HACE1: variants seen among roughly 807,000 people sequenced by gnomAD.
The protein encoded by HACE1 is E3 ubiquitin-protein ligase HACE1.
Under a neutral mutation model 118.4 loss-of-function variants are expected in HACE1, and 73 were observed. That is an observed-to-expected ratio of 0.62 (90% CI 0.51 to 0.75). HACE1 has a LOEUF of 0.75. Ranked by LOEUF, HACE1 falls within the 30% of genes least tolerant of loss-of-function variation. The pLI, the probability that HACE1 is intolerant of heterozygous loss-of-function variation, is 0.00. For missense variants in HACE1, 749 were observed against 1,102.2 expected, an observed-to-expected ratio of 0.68 and a Z score of 4.54; for synonymous variants, 368 against 374.8, an observed-to-expected ratio of 0.98 and a Z score of 0.21.
At chr6:104,821,799 T>G (rs998433067) in intron 6 of HACE1, among the ~76,000 whole-genome samples, 1 of 152,204 alleles carries the variant, frequency 6.6e-6, no homozygotes, top group Non-Finnish European at 1.5e-5. Flanking sequence ...AGTATTTATT[T>G]AGTACTAACG....
At chr6:104,791,735 A>C in intron 10 of HACE1, 81 bp from the exon 11 acceptor site, 1 of 888,950 alleles carries the variant, frequency 1.1e-6, no homozygotes. Flanking sequence ...TTTTCATCCC[A>C]CTGACCATCT....
At chr6:104,773,598 T>C (rs1475138830) in intron 17 of HACE1, among the ~76,000 whole-genome samples, 1 of 152,168 alleles carries the variant, frequency 6.6e-6, no homozygotes, top group African/African-American at 2.4e-5. Context: ...TATAATATTC[T>C]GAGAATAATC....
intron 1 of HACE1, 114 bp downstream of exon 1, chr6:104,859,453 G>C (rs1185772157): frequency 2.5e-6 from 2 of 808,146 alleles, no homozygotes; most frequent in Non-Finnish European, 3.7e-6. Context: ...AGTAAAAGTG[G>C]GCGTTTTCTC....
intron 7 of HACE1, among the ~76,000 whole-genome samples, chr6:104,799,007 G>C (rs568759643): frequency 6.6e-6 from 1 of 152,156 alleles, no homozygotes; most frequent in African/African-American, 2.4e-5. Flanking sequence ...TCAATGAATT[G>C]TATTATAGGC....
intron 19 of HACE1, among the ~76,000 whole-genome samples, chr6:104,758,326 G>C (rs913114283): frequency 2.0e-5 from 3 of 152,156 alleles, no homozygotes; most frequent in African/African-American, 7.2e-5. Flanking sequence ...ACAAAGGGAA[G>C]CCCATCAGAC....
intron 3 of HACE1, among the ~76,000 whole-genome samples, chr6:104,850,315 AC>A (rs1407508514): frequency 6.6e-6 from 1 of 152,132 alleles, no homozygotes; most frequent in Non-Finnish European, 1.5e-5. Flanking sequence ...AACATTCTCT[AC>A]TTTCAAGATG....
In HACE1 at chr6:104,859,749, G is replaced by T; in HGVS notation, c.-107C>A. On this transcript the variant is annotated 5_prime_UTR_variant, in exon 1 of 24. Coordinates refer to ENST00000262903, the MANE Select transcript of HACE1 (RefSeq NM_020771.4). ...GCCCGTCCAGCAGGCGGAGACGCGG[G>T]CTTGCCCCGGCTAGAGCACTGAGCT... The T allele has an allele frequency of 1.9e-6, 2 of 1,035,938 alleles. No individual in the cohort carries two copies. The highest frequency in any genetic ancestry group is 2.8e-6 in the Non-Finnish European group (2 of 715,530). 64.2% of individuals were successfully genotyped at this position (1,035,938 alleles called of 1,614,324 possible).
At chr6:104,825,495 C>T (rs985438412) in intron 6 of HACE1, among the ~76,000 whole-genome samples, 3 of 152,032 alleles carry the variant, frequency 2.0e-5, no homozygotes, top group African/African-American at 7.2e-5. Flanking sequence ...TGCAAGCAAT[C>T]GGACTGAGGG....
intron 22 of HACE1, among the ~76,000 whole-genome samples, chr6:104,741,111 C>CG (rs1325430208): frequency 3.8e-5 from 2 of 53,018 alleles, no homozygotes; most frequent in East Asian, 3.9e-4. Context: ...AATTCAACAA[C>CG]CTTCATGCTA....
In HACE1 at chr6:104,764,355, G is replaced by A. The variant is rs574666448; in HGVS notation, c.2211+6838C>T. On this transcript the variant is annotated intron_variant, in intron 19 of 23. Transcript: ENST00000262903. ...GGCCTCCCAAAGTGCTGGGATTACAGGTGTGAGCCACTATGCCCGGCCTGT... is the reference window on the plus strand; with the variant it reads ...GGCCTCCCAAAGTGCTGGGATTACAAGTGTGAGCCACTATGCCCGGCCTGT... Among the ~76,000 whole-genome samples, 8 of 152,278 alleles carry A rather than the reference G, an allele frequency of 5.3e-5. No homozygotes were observed. The South Asian group carries it at 1.7e-3, about 32-fold the overall frequency.
At chr6:104,832,367 C>A (rs929700421) in intron 6 of HACE1, among the ~76,000 whole-genome samples, 5 of 145,544 alleles carry the variant, frequency 3.4e-5, no homozygotes, top group African/African-American at 1.2e-4. Context: ...TATAAAAGCA[C>A]TATTTTCCTG....
At chr6:104,750,149 T>A (rs1395447433) in intron 20 of HACE1, among the ~76,000 whole-genome samples, 192 bp downstream of exon 20, 1 of 152,158 alleles carries the variant, frequency 6.6e-6, no homozygotes, top group African/African-American at 2.4e-5. Flanking sequence ...AGGAGCTGCT[T>A]ATCTGGTTAT....
At chr6:104,748,254 A>AG (rs1318478982) in intron 20 of HACE1, among the ~76,000 whole-genome samples, 1 of 151,962 alleles carries the variant, frequency 6.6e-6, no homozygotes, top group Non-Finnish European at 1.5e-5. Flanking sequence ...AAAAGAAAAA[A>AG]AAACACAATA....
chr6:104,785,425 CTA>C (rs1782282721), intron 11 of HACE1, 106 bp from the exon 12 acceptor site: 3 of 693,940 alleles, frequency 4.3e-6, no homozygotes, highest in Non-Finnish European at 7.5e-6. Flanking sequence ...AAAATTTACT[CTA>C]GTCATTTCTA....
In HACE1 at chr6:104,750,322, A is replaced by G; in HGVS notation, c.2343+19T>C. On this transcript the variant is annotated intron_variant, in intron 20 of 23. Transcript: ENST00000262903. The stretch of plus-strand genomic sequence containing the variant: ...TTTTGTTGTTGTGTTACAACATAAG[A>G]ACTGATGTTTTTCCTTACCAATTCA... 1 of 1,604,880 alleles carries G rather than the reference A, an allele frequency of 6.2e-7. No homozygotes were observed. Among genetic ancestry groups the G allele is most frequent in the Non-Finnish European group, 8.5e-7 (1 of 1,172,138 alleles).
intron 11 of HACE1, among the ~76,000 whole-genome samples, chr6:104,788,602 A>T (rs530738832): frequency 6.6e-6 from 1 of 152,284 alleles, no homozygotes; most frequent in African/African-American, 2.4e-5. Context: ...AAAGTTTCAC[A>T]ATCTTTCTTG....
chr6:104,745,829 T>A (rs1158123447), intron 20 of HACE1, among the ~76,000 whole-genome samples: 1 of 152,106 alleles, frequency 6.6e-6, no homozygotes, highest in African/African-American at 2.4e-5. Flanking sequence ...CCTGACCTTG[T>A]ACCTTAAATA....
At chr6:104,823,471 T>G (rs1296883752) in intron 6 of HACE1, among the ~76,000 whole-genome samples, 1 of 150,838 alleles carries the variant, frequency 6.6e-6, no homozygotes, top group Non-Finnish European at 1.5e-5. Flanking sequence ...TTCCAGCATT[T>G]TATTTTCCAT....
intron 14 of HACE1, among the ~76,000 whole-genome samples, chr6:104,781,528 C>T (rs1343752886): frequency 6.6e-6 from 1 of 152,124 alleles, no homozygotes; most frequent in Non-Finnish European, 1.5e-5. Context: ...CTGGTAACTC[C>T]AATTCAACAC....
Sources: gnomAD v4.1 joint callset for allele counts (sites outside exome capture counted in the v4.1 genomes callset) on GRCh38, gnomAD v4.1.1 for gene constraint, MANE v1.5 for transcripts, NCBI Gene and HGNC (gene_info 2026-07-23, HGNC 2026-07-21) for gene names.